Variants in DMAC2L observed in about 807,000 individuals in gnomAD.
DMAC2L encodes ATP synthase subunit s, mitochondrial.
A neutral mutation model predicts 22.5 loss-of-function variants in DMAC2L; 21 were observed. The observed-to-expected ratio is 0.93, with a 90% CI of 0.66 to 1.34. DMAC2L has a LOEUF of 1.34. Among genes scored for constraint, DMAC2L ranks in the 40% most tolerant of loss-of-function variants. The pLI is 0.00. For missense variants in DMAC2L, 239 were observed against 246.5 expected (o/e 0.97, Z 0.20); for synonymous variants, 86 against 89.5 (o/e 0.96, Z 0.22).
chr14:50,314,515 T>C (rs2031592760), intron 1 of DMAC2L, 76 bp from the exon 2 acceptor site: 2 of 455,596 alleles, frequency 4.4e-6, no homozygotes, highest in African/African-American at 4.0e-5. Context: ...TGTTTCTAGT[T>C]TTTAGCTATT....
intron 5 of DMAC2L, 113 bp downstream of exon 5, chr14:50,324,229 A>T (rs964579305): frequency 7.0e-6 from 8 of 1,142,878 alleles, no homozygotes; most frequent in Middle Eastern, 3.1e-4. Context: ...AGATAATTTT[A>T]AAAAATGACC....
At chr14:50,318,098 A>G (rs138589152) in intron 2 of DMAC2L, among the ~76,000 whole-genome samples, 24 of 152,342 alleles carry the variant, frequency 1.6e-4, no homozygotes, top group African/African-American at 4.6e-4. Context: ...ATGAAACTCA[A>G]TCATGGTGGA....
chr14:50,322,769 A>G, intron 4 of DMAC2L, 50 bp downstream of exon 4: 1 of 1,609,780 alleles, frequency 6.2e-7, no homozygotes, highest in Non-Finnish European at 8.5e-7. Context: ...ATTTGCAGTG[A>G]CCATTTTGTT....
intron 2 of DMAC2L, among the ~76,000 whole-genome samples, chr14:50,318,167 T>C (rs1382027794): frequency 6.6e-6 from 1 of 152,204 alleles, no homozygotes; most frequent in Non-Finnish European, 1.5e-5. Flanking sequence ...TTAACTGGGT[T>C]CTTTTAATTT....
Position 50,312,880 on chromosome 14 carries a change from T to C in DMAC2L, c.-42+491T>C, listed in dbSNP as rs1045935119. 4.9e-6 allele frequency: 4 copies of C among 823,844 alleles called. No individual in the cohort carries two copies. The African/African-American group carries it at 6.8e-5, about 14-fold the overall frequency. 51.0% of individuals were successfully genotyped at this position (823,844 alleles called of 1,614,324 possible). A position where few individuals can be genotyped will look rare whatever the true frequency, so the allele number is the denominator to read the frequency against. On this transcript the variant is annotated intron_variant, in intron 1 of 5. Transcript: ENST00000557421. ...CCTGGCGGTGCTATTCATTCAGTCA[T>C]TGATTCGTCTTGTAAATATGGAGCG...
chr14:50,315,640 G>A (rs2031716219), intron 2 of DMAC2L, among the ~76,000 whole-genome samples: 2 of 117,518 alleles, frequency 1.7e-5, no homozygotes, highest in East Asian at 2.7e-4. Context: ...CCAGCCTGGC[G>A]ACAGAGCAAG....
chr14:50,317,525 T>C (rs905408869), intron 2 of DMAC2L, among the ~76,000 whole-genome samples: 5 of 152,122 alleles, frequency 3.3e-5, no homozygotes, highest in African/African-American at 9.7e-5. Flanking sequence ...TCCCAGCACT[T>C]TGGGAGGCCA....
intron 2 of DMAC2L, among the ~76,000 whole-genome samples, chr14:50,315,180 A>C (rs1450212376): frequency 6.7e-6 from 1 of 149,650 alleles, no homozygotes; most frequent in Non-Finnish European, 1.5e-5. Flanking sequence ...GTTAGCCAGG[A>C]TGGTCTCAAT....
chr14:50,321,578 A>T lies in DMAC2L; in HGVS notation c.91A>T (p.Asn31Tyr). 1 of 1,613,216 alleles carries T rather than the reference A, an allele frequency of 6.2e-7. No homozygotes were observed. Among genetic ancestry groups the T allele is most frequent in the Non-Finnish European group, 8.5e-7 (1 of 1,179,200 alleles). Reference protein sequence around the residue: ...CDSRYFWGWLNAVFNKVDYDR... With the variant: ...CDSRYFWGWLYAVFNKVDYDR... Reference sequence around the variant, plus strand: ...CTCCAGATACTTCTGGGGCTGGTTGAATGCAGTGTTTAATAAGTAAGTTAC... The same window carrying T: ...CTCCAGATACTTCTGGGGCTGGTTGTATGCAGTGTTTAATAAGTAAGTTAC... The change falls in exon 3 of 6, where the codon AAT becomes TAT. Residue 31 changes from asparagine (N) to tyrosine (Y), a missense_variant. Physicochemically the swap from Asn to Tyr is moderately radical, Grantham distance 143. Coordinates refer to ENST00000557421, the MANE Select transcript of DMAC2L (RefSeq NM_001382507.1).
chr14:50,314,134 A>G (rs1416335547), intron 1 of DMAC2L, among the ~76,000 whole-genome samples: 2 of 152,172 alleles, frequency 1.3e-5, no homozygotes, highest in Non-Finnish European at 2.9e-5. Context: ...TCCCCACCCA[A>G]ATCTCATCTT....
upstream of DMAC2L, chr14:50,312,137 A>C (rs762866094): frequency 1.9e-6 from 3 of 1,610,554 alleles, no homozygotes; most frequent in Middle Eastern, 1.7e-4. Context: ...CAAATAACGC[A>C]GCGCTGGCAC....
At chr14:50,318,645 TCTTTTA>T (rs1317271936) in intron 2 of DMAC2L, among the ~76,000 whole-genome samples, 5 of 152,236 alleles carry the variant, frequency 3.3e-5, no homozygotes, top group Admixed American at 2.6e-4. Flanking sequence ...CCATCCTTGT[TCTTTTA>T]CTTTGCATAC....
rs1196315633 is a variant in DMAC2L, at chr14:50,316,731, C to T, written c.-6+2105C>T. Among the ~76,000 whole-genome samples, 10 of 152,124 alleles carry T rather than the reference C, an allele frequency of 6.6e-5. No individual in the cohort carries two copies. The East Asian group carries it at 1.9e-3, about 29-fold the overall frequency. On this transcript the variant is annotated intron_variant, in intron 2 of 5. Coordinates refer to ENST00000557421, the MANE Select transcript of DMAC2L (RefSeq NM_001382507.1). Reference sequence around the variant, plus strand: ...GTATTTGGGTTTCTTTCTAGGTTCTCTGTTTTGTTCCATTGGTGTATGTGC... The same window carrying T: ...GTATTTGGGTTTCTTTCTAGGTTCTTTGTTTTGTTCCATTGGTGTATGTGC...
chr14:50,322,381 C>CAAA, intron 3 of DMAC2L, 130 bp from the exon 4 acceptor site: 2 of 922,364 alleles, frequency 2.2e-6, no homozygotes, highest in Non-Finnish European at 2.9e-6. Context: ...ATGGATCTCA[C>CAAA]TAATTTATCT....
At chr14:50,313,146 C>G in intron 1 of DMAC2L, 5 of 1,168,132 alleles carry the variant, frequency 4.3e-6, no homozygotes, top group Non-Finnish European at 6.4e-6. Flanking sequence ...TTAAAATTGT[C>G]ACTGTGCCGG....
intron 1 of DMAC2L, 59 bp downstream of exon 1, chr14:50,312,448 C>T (rs944764317): frequency 3.0e-5 from 15 of 500,026 alleles, no homozygotes; most frequent in African/African-American, 1.4e-4. Context: ...TGTGTTCTGC[C>T]CTCGCCCGTC....
chr14:50,316,973 T>C (rs1014206457), intron 2 of DMAC2L, among the ~76,000 whole-genome samples: 6 of 152,198 alleles, frequency 3.9e-5, no homozygotes, highest in African/African-American at 1.4e-4. Context: ...GGAAGACTAA[T>C]ATCCAGAATC....
In DMAC2L at chr14:50,326,308, T is replaced by A. The variant is rs990001495; in HGVS notation, c.*585T>A. 1.9e-6 allele frequency: 1 copy of A among 516,232 alleles called. No individual in the cohort carries two copies. The highest frequency in any genetic ancestry group is 1.5e-4 in the East Asian group (1 of 6,660). 32.0% of individuals were successfully genotyped at this position (516,232 alleles called of 1,614,324 possible). A position where few individuals can be genotyped will look rare whatever the true frequency, so the allele number is the denominator to read the frequency against. ...CATTTAATATGTAAATCTATAGATA[T>A]CTCTTGATGTAGATATTTAGAATCC... On this transcript the variant is annotated 3_prime_UTR_variant, in exon 6 of 6. Transcript: ENST00000557421.
At chr14:50,311,769 G>A (rs143072075), upstream of DMAC2L, among the ~76,000 whole-genome samples, 2 of 152,182 alleles carry the variant, frequency 1.3e-5, no homozygotes, top group Admixed American at 1.3e-4. Flanking sequence ...AAAGTGGACG[G>A]GTTGTTCAAA....
Sources: allele counts gnomAD v4.1 joint callset (sites outside exome capture counted in the v4.1 genomes callset), GRCh38; gene constraint gnomAD v4.1.1; transcripts MANE v1.5; gene names NCBI Gene and HGNC (gene_info 2026-07-23, HGNC 2026-07-21).